Variants in RAB3GAP2 observed in about 807,000 individuals in gnomAD.
RAB3GAP2 encodes the protein rab3 GTPase-activating protein non-catalytic subunit.
RAB3GAP2 carries 87 observed loss-of-function variants against 185.3 expected under a neutral mutation model. The ratio of observed to expected loss-of-function variants is 0.47; its 90% CI spans 0.39 to 0.56. The LOEUF (loss-of-function observed/expected upper bound fraction) is 0.56, where lower values mean the gene tolerates loss of function less well. Among genes scored for constraint, RAB3GAP2 ranks in the 20% least tolerant of loss-of-function variants. The probability of loss-of-function intolerance (pLI) is 0.00; values close to 1 mark genes in which losing one functional copy is unlikely to be tolerated. For missense variants in RAB3GAP2, 1,492 were observed against 1,638.2 expected (o/e 0.91, Z 1.54); for synonymous variants, 554 against 576.1 (o/e 0.96, Z 0.55).
chr1:220,259,756 C>T (rs1290591271), intron 1 of RAB3GAP2, among the ~76,000 whole-genome samples: 1 of 152,044 alleles, frequency 6.6e-6, no homozygotes, highest in African/African-American at 2.4e-5. Context: ...TCTAATTAAA[C>T]AAAAGAGCTT....
At chr1:220,153,916 TTA>T in intron 32 of RAB3GAP2, 50 bp downstream of exon 32, 1 of 1,607,078 alleles carries the variant, frequency 6.2e-7, no homozygotes, top group East Asian at 2.2e-5. Context: ...GATTTTTCCC[TTA>T]TGTTTTTTTT....
chr1:220,209,200 T>C (rs1659032309), intron 7 of RAB3GAP2, among the ~76,000 whole-genome samples: 1 of 152,232 alleles, frequency 6.6e-6, no homozygotes, highest in South Asian at 2.1e-4. Flanking sequence ...TTCCTTCTCA[T>C]AAATCTTTAG....
At chr1:220,161,305 A>G (rs1272203252) in intron 28 of RAB3GAP2, among the ~76,000 whole-genome samples, 1 of 152,222 alleles carries the variant, frequency 6.6e-6, no homozygotes, top group Admixed American at 6.5e-5. Context: ...GGTGCTATTC[A>G]TGATGCAGGA....
At position 220,157,447 on chromosome 1, in the gene RAB3GAP2, A is replaced by T; in HGVS notation, c.3378T>A (p.Asp1126Glu). ...SRDEIQVPVLDTEDAWLSVEG... is the reference protein window; with the variant it reads ...SRDEIQVPVLETEDAWLSVEG... Reference sequence around the variant, plus strand: ...CCACGGAGAGCCACGCATCCTCAGTATCCAGCACAGGCACCTGTATTTCAT... The same window carrying T: ...CCACGGAGAGCCACGCATCCTCAGTTTCCAGCACAGGCACCTGTATTTCAT... Residue 1126 changes from aspartate to glutamate, a missense_variant, in exon 31 of 35, where the codon GAT becomes GAA. Coordinates refer to ENST00000358951, the MANE Select transcript of RAB3GAP2 (RefSeq NM_012414.4). 1 of 1,613,948 alleles carries T rather than the reference A, an allele frequency of 6.2e-7. No individual in the cohort carries two copies. Among genetic ancestry groups the T allele is most frequent in the Non-Finnish European group, 8.5e-7 (1 of 1,180,012 alleles).
rs765678750 is a variant in RAB3GAP2 at position 220,171,934 on chromosome 1, C to A, written c.2532G>T (p.Gly844=). 2.5e-6 allele frequency: 4 copies of A among 1,614,046 alleles called. No individual in the cohort carries two copies. The highest frequency in any genetic ancestry group is 1.3e-5 in the African/African-American group (1 of 74,906). The stretch of plus-strand genomic sequence containing the variant: ...TTGATATCTGTGCAGCAACAGAATG[C>A]CCAACATGCGCAGACAACAGAGCGG... ...NGAALLSAHV[G]HSVAAQISNN... The change falls in exon 23 of 35, where the codon GGG becomes GGT. Residue 844 remains glycine, a synonymous_variant. Transcript: ENST00000358951.
chr1:220,243,226 C>CAA (rs1659731662), intron 1 of RAB3GAP2, among the ~76,000 whole-genome samples: 1 of 151,696 alleles, frequency 6.6e-6, no homozygotes, highest in South Asian at 2.1e-4. Context: ...TGGTGGCAGG[C>CAA]GCCTGTAGTC....
At chr1:220,200,521 A>G (rs1252553581) in intron 9 of RAB3GAP2, 1 of 520,690 alleles carries the variant, frequency 1.9e-6, no homozygotes, top group South Asian at 1.5e-5. Flanking sequence ...TGTACATACA[A>G]TAACGTTTAT....
At chr1:220,169,134 T>C (rs1015639167) in intron 24 of RAB3GAP2, among the ~76,000 whole-genome samples, 2 of 152,192 alleles carry the variant, frequency 1.3e-5, no homozygotes, top group African/African-American at 4.8e-5. Flanking sequence ...GGTGGCAACA[T>C]GAAGTGTGGT....
chr1:220,190,441 A>G lies in RAB3GAP2; in HGVS notation c.1567T>C (p.Cys523Arg), dbSNP rs1658594019. ...CTTCCAGACACTGGATCAACCAGACAGATCTGATAAGTCTGTGGCTGCCAA... is the reference window on the plus strand; with the variant it reads ...CTTCCAGACACTGGATCAACCAGACGGATCTGATAAGTCTGTGGCTGCCAA... ...QSWQPQTYQI[C>R]LVDPVSGSVK... is the part of the protein sequence containing the mutation. Residue 523 changes from cysteine to arginine, a missense_variant, in exon 15 of 35, where the codon TGT (cysteine) becomes CGT (arginine). This residue lies in a region of RAB3GAP2 where 681 missense variants were observed against 689.1 expected (regional missense o/e 0.99). Transcript: ENST00000358951. The G allele has an allele frequency of 3.1e-6, 5 of 1,613,790 alleles. No homozygotes were observed. The highest frequency in any genetic ancestry group is 3.4e-6 in the Non-Finnish European group (4 of 1,179,796).
intron 2 of RAB3GAP2, among the ~76,000 whole-genome samples, chr1:220,222,038 T>C: frequency 6.6e-6 from 1 of 152,162 alleles, no homozygotes; most frequent in East Asian, 1.9e-4. Context: ...ACCAGTAAGA[T>C]CCAGTGTAAT....
intron 1 of RAB3GAP2, among the ~76,000 whole-genome samples, chr1:220,248,116 T>C (rs1045232191): frequency 1.3e-5 from 2 of 150,772 alleles, no homozygotes; most frequent in Admixed American, 6.6e-5. Flanking sequence ...CAAAAAACTT[T>C]GCTAAAAGAT....
intron 8 of RAB3GAP2, among the ~76,000 whole-genome samples, chr1:220,204,345 C>A (rs1658917450): frequency 6.6e-6 from 1 of 152,024 alleles, no homozygotes. Context: ...ATTTAGCCAA[C>A]CATAAGCTTC....
intron 1 of RAB3GAP2, among the ~76,000 whole-genome samples, chr1:220,256,566 A>G (rs1206267835): frequency 1.3e-5 from 2 of 152,258 alleles, no homozygotes; most frequent in African/African-American, 4.8e-5. Context: ...AATGGAAAAC[A>G]GAATAAAAGC....
intron 21 of RAB3GAP2, among the ~76,000 whole-genome samples, chr1:220,179,244 C>CAAAAAAAAAAAAA (rs71169437): frequency 7.2e-4 from 41 of 56,646 alleles, no homozygotes; most frequent in African/African-American, 1.3e-3. Flanking sequence ...GAGACTGTCT[C>CAAAAAAAAAAAAA]AAAAAAAAAA....
Position 220,172,713 on chromosome 1 carries a change from C to T in RAB3GAP2, c.2340G>A (p.Lys780=). 1 of 1,612,702 alleles carries T rather than the reference C, an allele frequency of 6.2e-7. No individual in the cohort carries two copies. The highest frequency in any genetic ancestry group is 8.5e-7 in the Non-Finnish European group (1 of 1,178,762). ...LSLLLSVWLS[K]EKDILDKPQS... The stretch of plus-strand genomic sequence containing the variant: ...GTGGTTTATCCAAAATATCCTTTTC[C>T]TTTGAAAGCCAAACACTCAGGAGCA... The change falls in exon 22 of 35, where the codon AAG becomes AAA. Residue 780 remains lysine (K), a synonymous_variant. Transcript: ENST00000358951.
chr1:220,193,727 T>C (rs540253452), intron 12 of RAB3GAP2, among the ~76,000 whole-genome samples: 8 of 152,340 alleles, frequency 5.3e-5, no homozygotes, highest in African/African-American at 1.9e-4. Flanking sequence ...GCATCTTTTG[T>C]CTATTTTAAA....
rs779690165 is a variant in RAB3GAP2, at chr1:220,167,299, A to G, written c.3081T>C (p.Asp1027=). ...GAGGTAACGAGAATCTTACCTCTGG[A>G]TCTTTATTCCACTGAACAACGTACT... ...CWEYVVQWNK[D]PEEARFFVRS... Residue 1027 remains aspartate, a synonymous_variant, in exon 26 of 35, where the codon GAT becomes GAC. Coordinates refer to ENST00000358951, the MANE Select transcript of RAB3GAP2 (RefSeq NM_012414.4). 3 of 1,613,364 alleles carry G rather than the reference A, an allele frequency of 1.9e-6. No individual in the cohort carries two copies. The highest frequency in any genetic ancestry group is 2.5e-6 in the Non-Finnish European group (3 of 1,179,406).
intron 24 of RAB3GAP2, among the ~76,000 whole-genome samples, 183 bp from the exon 25 acceptor site, chr1:220,167,858 A>C (rs909527338): frequency 3.3e-5 from 5 of 152,218 alleles, no homozygotes; most frequent in Non-Finnish European, 2.9e-5. Context: ...TTGTGAGGGC[A>C]ACAAGTGGGA....
rs1409644267 is a variant in RAB3GAP2 at position 220,151,361 on chromosome 1, CTGT to C, written c.4069_4071del (p.Thr1357del). 1 of 1,614,134 alleles carries C rather than the reference CTGT, an allele frequency of 6.2e-7. No homozygotes were observed. The highest frequency in any genetic ancestry group is 8.5e-7 in the Non-Finnish European group (1 of 1,180,010). Reference sequence around the variant, plus strand: ...TCAATTACTTTATTTACTAGTTTAGCTGTTGTTGCAATTGGCACTTCAGTGTTT... The same window carrying C: ...TCAATTACTTTATTTACTAGTTTAGCTGTTGCAATTGGCACTTCAGTGTTT... On this transcript the variant is annotated inframe_deletion, in exon 35 of 35. Coordinates refer to ENST00000358951, the MANE Select transcript of RAB3GAP2 (RefSeq NM_012414.4).
Sources: gnomAD v4.1 joint callset for allele counts (sites outside exome capture counted in the v4.1 genomes callset) on GRCh38, gnomAD v4.1.1 for gene constraint, gnomAD v4.1.1 regional missense constraint, MANE v1.5 for transcripts, NCBI Gene and HGNC (gene_info 2026-07-23, HGNC 2026-07-21) for gene names.